Variants in PTPRS observed in about 807,000 individuals in gnomAD.
PTPRS encodes the protein protein tyrosine phosphatase receptor type S.
PTPRS carries 63 observed loss-of-function variants against 215.3 expected under a neutral mutation model. The observed-to-expected ratio is 0.29, with a 90% CI of 0.24 to 0.36. The LOEUF is 0.36. Ranked by LOEUF, PTPRS falls within the 10% of genes least tolerant of loss-of-function variation. The pLI, the probability that PTPRS is intolerant of heterozygous loss-of-function variation, is 1.00. For synonymous variants in PTPRS, 1,404 were observed against 1,191.4 expected (o/e 1.18, Z -3.68); for missense variants, 2,258 against 2,825.8 (o/e 0.80, Z 4.56).
intron 2 of PTPRS, 131 bp downstream of exon 2, chr19:5,285,918 CA>C (rs1354747170): frequency 1.4e-6 from 1 of 694,692 alleles, no homozygotes; most frequent in Non-Finnish European, 2.5e-6. Context: ...ATTTGTGGAG[CA>C]TAAAAGTTCC....
At chr19:5,226,831 T>C (rs2042547083) in intron 16 of PTPRS, among the ~76,000 whole-genome samples, 1 of 152,178 alleles carries the variant, frequency 6.6e-6, no homozygotes, top group South Asian at 2.1e-4. Flanking sequence ...AATCTAGTTA[T>C]TTCACTAGGG....
chr19:5,210,498 G>C lies in PTPRS; in HGVS notation c.5458C>G (p.Leu1820Val), dbSNP rs750429839. The C allele has an allele frequency of 6.2e-7, 1 of 1,614,184 alleles. No homozygotes were observed. Reference sequence around the variant, plus strand: ...GCATCTGTGACCTTGAACTCTCGCAGGATATACTGAGGCATGTTGTATTCT... The same window carrying C: ...GCATCTGTGACCTTGAACTCTCGCACGATATACTGAGGCATGTTGTATTCT... ...MAEYNMPQYI[L>V]REFKVTDARD... The change falls in exon 35 of 38, where the codon CTG (leucine) becomes GTG (valine). Residue 1820 changes from leucine to valine, a missense_variant. Physicochemically the swap from Leu to Val is conservative, Grantham distance 32. This residue lies in a region of PTPRS where 927 missense variants were observed against 1,125.9 expected (regional missense o/e 0.82). Coordinates refer to ENST00000262963, the MANE Select transcript of PTPRS (RefSeq NM_002850.4). This position sits in a 1 kb window ranked among gnomAD's most constrained non-coding sequence, Gnocchi z 4.5.
intron 4 of PTPRS, among the ~76,000 whole-genome samples, chr19:5,266,015 T>G (rs2046373280): frequency 6.6e-6 from 1 of 152,096 alleles, no homozygotes; most frequent in Non-Finnish European, 1.5e-5. Context: ...ATCCCAGCAC[T>G]TTGGGAGGCC....
chr19:5,220,683 C>A (rs1337331353), intron 20 of PTPRS, among the ~76,000 whole-genome samples: 1 of 152,150 alleles, frequency 6.6e-6, no homozygotes, highest in Non-Finnish European at 1.5e-5. Flanking sequence ...CTCCTCTCCC[C>A]ACTGGGGACT....
intron 4 of PTPRS, among the ~76,000 whole-genome samples, chr19:5,265,987 C>T (rs1411147126): frequency 1.3e-5 from 2 of 152,034 alleles, no homozygotes; most frequent in Non-Finnish European, 1.5e-5. Context: ...CAGCTGGACG[C>T]GGTGGCTCAT....
chr19:5,223,410 G>T (rs2042186959), intron 17 of PTPRS, 113 bp from the exon 18 acceptor site: 1 of 1,146,090 alleles, frequency 8.7e-7, no homozygotes, highest in Non-Finnish European at 1.1e-6. Flanking sequence ...TTTTTGAGTT[G>T]GGGGGGGTCT....
Position 5,220,048 on chromosome 19 carries a change from G to A in PTPRS, c.3656C>T (p.Thr1219Met), listed in dbSNP as rs1265450607. 8 of 1,613,980 alleles carry A rather than the reference G, an allele frequency of 5.0e-6. No homozygotes were observed. Among genetic ancestry groups the A allele is most frequent in the South Asian group, 2.2e-5 (2 of 91,094 alleles). ...IAARFSVLPP[T>M]FHPGDQKQYG... is the part of the protein sequence containing the mutation. ...CTGCTTCTGGTCGCCGGGATGGAAC[G>A]TGGGTGGCAGCACAGAGAAGCGAGC... is the stretch of plus-strand genomic sequence containing the variant. The change falls in exon 22 of 38, where the codon ACG becomes ATG. Residue 1219 changes from threonine (T) to methionine (M), a missense_variant. Around this residue, in one of 6 missense-constraint regions of PTPRS, gnomAD observed 927 missense variants for 1,125.9 expected, o/e 0.82. Transcript: ENST00000262963.
intron 4 of PTPRS, among the ~76,000 whole-genome samples, chr19:5,272,660 G>A (rs2047024292): frequency 7.6e-6 from 1 of 130,900 alleles, no homozygotes; most frequent in South Asian, 2.7e-4. Context: ...AACAAGACCA[G>A]CAAGCAGCAC....
At chr19:5,242,714 A>G (rs2044149834) in intron 11 of PTPRS, among the ~76,000 whole-genome samples, 1 of 149,258 alleles carries the variant, frequency 6.7e-6, no homozygotes, top group African/African-American at 2.5e-5. Context: ...TTTTTGTTTT[A>G]GAGACAAGGT....
In PTPRS at chr19:5,287,282, T is replaced by C. The variant is rs2048424258; in HGVS notation, c.-94-1048A>G. 6.6e-6 allele frequency among the ~76,000 whole-genome samples: 1 copy of C among 152,204 alleles called. No homozygotes were observed. Among genetic ancestry groups the C allele is most frequent in the Non-Finnish European group, 1.5e-5 (1 of 68,034 alleles). ...CCCTCAAAGGTCAATTCCCCCTACA[T>C]TCTACATCCCGGAGCATCAGATATG... On this transcript the variant is annotated intron_variant, in intron 1 of 37. Coordinates refer to ENST00000262963, the MANE Select transcript of PTPRS (RefSeq NM_002850.4). This position sits in a 1 kb window ranked among gnomAD's most constrained non-coding sequence, Gnocchi z 4.8.
chr19:5,312,704 A>G (rs577235700), intron 1 of PTPRS, among the ~76,000 whole-genome samples: 43 of 152,194 alleles, frequency 2.8e-4, no homozygotes, highest in African/African-American at 9.9e-4. Context: ...AATAGTAACA[A>G]TAACTGCTAA....
chr19:5,310,125 G>A (rs532089639), intron 1 of PTPRS, among the ~76,000 whole-genome samples: 6 of 152,060 alleles, frequency 3.9e-5, no homozygotes, highest in South Asian at 2.1e-4. Flanking sequence ...TGCCAGGTGC[G>A]GTCCTGCCTC....
chr19:5,241,177 C>T (rs1599631795), intron 11 of PTPRS, among the ~76,000 whole-genome samples: 1 of 152,028 alleles, frequency 6.6e-6, no homozygotes, highest in African/African-American at 2.4e-5. Flanking sequence ...GCGCGAACCA[C>T]CACACCTGGC....
At chr19:5,308,518 G>A (rs1049973953) in intron 1 of PTPRS, among the ~76,000 whole-genome samples, 3 of 152,208 alleles carry the variant, frequency 2.0e-5, no homozygotes, top group African/African-American at 7.2e-5. Context: ...CACAGTGCAA[G>A]GCCTGGGCTA....
chr19:5,285,556 T>C (rs2048278455), intron 2 of PTPRS, among the ~76,000 whole-genome samples: 1 of 152,182 alleles, frequency 6.6e-6, no homozygotes, highest in Non-Finnish European at 1.5e-5. Context: ...CTCCCCTGGC[T>C]CCACCTGAGA....
chr19:5,268,647 G>A (rs1180887712), intron 4 of PTPRS, among the ~76,000 whole-genome samples: 1 of 152,108 alleles, frequency 6.6e-6, no homozygotes, highest in Non-Finnish European at 1.5e-5. Context: ...TGCTTGGATG[G>A]GAAAAGCCCC....
chr19:5,215,889 C>T (rs946876800), intron 26 of PTPRS, among the ~76,000 whole-genome samples: 29 of 152,266 alleles, frequency 1.9e-4, no homozygotes, highest in Non-Finnish European at 3.4e-4. Context: ...TCCTTCCAAC[C>T]AAGCTGGGGG....
At chr19:5,309,200 C>T (rs546571713) in intron 1 of PTPRS, among the ~76,000 whole-genome samples, 8 of 152,252 alleles carry the variant, frequency 5.3e-5, no homozygotes, top group Non-Finnish European at 8.8e-5. Flanking sequence ...GTGCAGGCCC[C>T]TTAGTGGGGT....
intron 13 of PTPRS, among the ~76,000 whole-genome samples, chr19:5,233,225 G>GC (rs1296144397): frequency 6.6e-6 from 1 of 151,486 alleles, no homozygotes; most frequent in Non-Finnish European, 1.5e-5. Flanking sequence ...AAGGGGAACA[G>GC]CAACAGAGCT....
Sources: gnomAD v4.1 joint callset for allele counts (sites outside exome capture counted in the v4.1 genomes callset) on GRCh38, gnomAD v4.1.1 for gene constraint, gnomAD v4.1.1 regional missense constraint, Gnocchi (gnomAD v3.1) non-coding constraint, MANE v1.5 for transcripts, NCBI Gene and HGNC (gene_info 2026-07-23, HGNC 2026-07-21) for gene names.